Variants in GVQW3 observed in about 807,000 individuals in gnomAD.
The protein encoded by GVQW3 is GVQW motif containing 3, also known as protein GVQW3.
A neutral mutation model predicts 12.5 loss-of-function variants in GVQW3; 7 were observed. That is an observed-to-expected ratio of 0.56 (90% confidence interval 0.32 to 1.05). The LOEUF is 1.05. GVQW3 is among the 50% of genes least tolerant of loss of function. The pLI, the probability that GVQW3 is intolerant of heterozygous loss-of-function variation, is 0.04. For synonymous variants in GVQW3, 71 were observed against 67.2 expected, an observed-to-expected ratio of 1.06 and a Z score of -0.28; for missense variants, 188 against 190.8, an observed-to-expected ratio of 0.99 and a Z score of 0.09.
At chr11:76,401,773 CAAAAAA>C (rs5792720) in intron 1 of GVQW3, among the ~76,000 whole-genome samples, 1 of 88,946 alleles carries the variant, frequency 1.1e-5, no homozygotes, top group Non-Finnish European at 2.3e-5. Context: ...AACTCTGTCT[CAAAAAA>C]AAAAAAAAAA....
chr11:76,395,727 C>A (rs573201144), intron 1 of GVQW3, among the ~76,000 whole-genome samples: 3 of 152,274 alleles, frequency 2.0e-5, no homozygotes, highest in Admixed American at 6.5e-5. Context: ...ACTTAACAAG[C>A]TCAATTTTTT....
At position 76,381,732 on chromosome 11, in the gene GVQW3, C is replaced by G; in HGVS notation, c.-97C>G. The G allele has an allele frequency of 9.1e-7, 1 of 1,103,422 alleles. No individual in the cohort carries two copies. The highest frequency in any genetic ancestry group is 1.2e-6 in the Non-Finnish European group (1 of 803,952). 68.4% of individuals were successfully genotyped at this position (1,103,422 alleles called of 1,614,324 possible). A position where few individuals can be genotyped will look rare whatever the true frequency, so the allele number is the denominator to read the frequency against. On this transcript the variant is annotated 5_prime_UTR_variant, in exon 1 of 2. Transcript: ENST00000529331. ...GAGGCTTCTAGAAGAGCAAGAAGAGCGATATGATTACACCTGCAGCCCTAT... is the reference window on the plus strand; with the variant it reads ...GAGGCTTCTAGAAGAGCAAGAAGAGGGATATGATTACACCTGCAGCCCTAT...
intron 1 of GVQW3, chr11:76,389,671 G>A (rs1311749236): frequency 6.6e-6 from 1 of 152,112 alleles, no homozygotes; most frequent in Non-Finnish European, 1.5e-5. Context: ...TGCTCTCCTG[G>A]GTAAAATTAA....
chr11:76,387,473 C>A (rs1946846547), intron 1 of GVQW3, among the ~76,000 whole-genome samples: 1 of 152,146 alleles, frequency 6.6e-6, no homozygotes. Flanking sequence ...CATAGAAAAA[C>A]AGATGGCAGG....
At chr11:76,388,937 A>G (rs1346805961) in intron 1 of GVQW3, among the ~76,000 whole-genome samples, 1 of 152,224 alleles carries the variant, frequency 6.6e-6, no homozygotes, top group Non-Finnish European at 1.5e-5. Flanking sequence ...TCTGAAAAGC[A>G]ATTTGGCAAT....
chr11:76,386,177 C>T (rs1179786990), intron 1 of GVQW3, among the ~76,000 whole-genome samples: 1 of 152,242 alleles, frequency 6.6e-6, no homozygotes, highest in Non-Finnish European at 1.5e-5. Context: ...AAGAGGAATA[C>T]ATGCCTTCTG....
chr11:76,387,386 T>C (rs2851461), intron 1 of GVQW3, among the ~76,000 whole-genome samples: 143,364 of 152,104 alleles, frequency 0.94, 67,610 homozygotes, highest in Admixed American at 0.95. Flanking sequence ...TCCAAGATCT[T>C]GCCACTACTC....
At chr11:76,401,773 C>CAAAAA (rs5792720) in intron 1 of GVQW3, among the ~76,000 whole-genome samples, 8 of 88,842 alleles carry the variant, frequency 9.0e-5, no homozygotes, top group Admixed American at 1.1e-4. Context: ...AACTCTGTCT[C>CAAAAA]AAAAAAAAAA....
chr11:76,388,805 C>T (rs536836415), intron 1 of GVQW3, among the ~76,000 whole-genome samples: 4 of 152,166 alleles, frequency 2.6e-5, no homozygotes, highest in African/African-American at 9.6e-5. Context: ...CTTGATGCCT[C>T]TCCAGCTGCA....
chr11:76,392,450 G>C (rs1249757533), intron 1 of GVQW3: 3 of 152,234 alleles, frequency 2.0e-5, no homozygotes, highest in Non-Finnish European at 4.4e-5. Flanking sequence ...TTGGCCCAGG[G>C]AGGTTGAGTG....
chr11:76,386,736 A>C (rs910027506), intron 1 of GVQW3, among the ~76,000 whole-genome samples: 5 of 152,268 alleles, frequency 3.3e-5, no homozygotes, highest in Non-Finnish European at 5.9e-5. Context: ...CAGTCAGCCC[A>C]CCCAGATTTT....
intron 1 of GVQW3, chr11:76,392,146 G>A (rs1040620210): frequency 2.0e-5 from 3 of 152,174 alleles, no homozygotes; most frequent in African/African-American, 4.8e-5. Flanking sequence ...TTTTCCCAGA[G>A]GACAGAGCTA....
rs572954176 is a variant in GVQW3 at position 76,403,934 on chromosome 11, T to C, written c.*176T>C. ...TTGTTCTATTCAGGTCCTCAATGAA[T>C]TGGATGATGTCCATGCACATTAGGG... On this transcript the variant is annotated 3_prime_UTR_variant, in exon 2 of 2. Transcript: ENST00000529331. 76 of 701,972 alleles carry C rather than the reference T, an allele frequency of 1.1e-4. No individual in the cohort carries two copies. The African/African-American group carries it at 1.2e-3, about 11-fold the overall frequency. 43.5% of individuals were successfully genotyped at this position (701,972 alleles called of 1,614,324 possible). A position where few individuals can be genotyped will look rare whatever the true frequency, so the allele number is the denominator to read the frequency against.
chr11:76,408,808 C>T (rs906630202), downstream of GVQW3, among the ~76,000 whole-genome samples: 2 of 152,124 alleles, frequency 1.3e-5, no homozygotes, highest in African/African-American at 4.8e-5. Flanking sequence ...AGCCTCCAGA[C>T]AGGGTGGAGT....
Position 76,397,863 on chromosome 11 carries a change from A to G in GVQW3, c.466-5797A>G, listed in dbSNP as rs188242207. Reference sequence around the variant, plus strand: ...TAATGTTTGAAAATGGGCCGGTTGCAGTGGCTTATGCCTGTAATTCCAGCA... The same window carrying G: ...TAATGTTTGAAAATGGGCCGGTTGCGGTGGCTTATGCCTGTAATTCCAGCA... On this transcript the variant is annotated intron_variant, in intron 1 of 1. Coordinates refer to ENST00000529331, the MANE Select transcript of GVQW3 (RefSeq NM_001347885.2). 2.6e-5 allele frequency among the ~76,000 whole-genome samples: 4 copies of G among 152,298 alleles called. No homozygotes were observed. The East Asian group carries it at 7.7e-4, about 29-fold the overall frequency.
At chr11:76,399,129 C>CATTTT (rs952466070) in intron 1 of GVQW3, among the ~76,000 whole-genome samples, 28 of 147,606 alleles carry the variant, frequency 1.9e-4, no homozygotes, top group African/African-American at 3.2e-4. Context: ...TATTTTATTT[C>CATTTT]ATTTTATTTT....
rs541044118 is a variant in GVQW3, at chr11:76,399,265, G to A, written c.466-4395G>A. 1.2e-4 allele frequency among the ~76,000 whole-genome samples: 19 copies of A among 152,024 alleles called. No homozygotes were observed. The East Asian group carries it at 3.1e-3, about 25-fold the overall frequency. On this transcript the variant is annotated intron_variant, in intron 1 of 1. Transcript: ENST00000529331. ...AGCGATTCTTCTGCCTCAGCCTCCC[G>A]AGTAACTGGGATTACAGGCGTGCAT...
chr11:76,386,828 C>T (rs917158039), intron 1 of GVQW3, among the ~76,000 whole-genome samples: 1 of 151,972 alleles, frequency 6.6e-6, no homozygotes, highest in Admixed American at 6.6e-5. Flanking sequence ...CTTGCAAATA[C>T]TGTCCTAGTT....
chr11:76,401,449 A>G (rs1255689063), intron 1 of GVQW3, among the ~76,000 whole-genome samples: 1 of 152,134 alleles, frequency 6.6e-6, no homozygotes, highest in Non-Finnish European at 1.5e-5. Context: ...AGCCTAACCT[A>G]TGAATTTTAA....
Sources: allele counts gnomAD v4.1 joint callset (sites outside exome capture counted in the v4.1 genomes callset), GRCh38; gene constraint gnomAD v4.1.1; transcripts MANE v1.5; gene names NCBI Gene and HGNC (gene_info 2026-07-23, HGNC 2026-07-21).